Variants in CLCN2 observed in about 807,000 individuals in gnomAD.
CLCN2 encodes chloride voltage-gated channel 2.
A neutral mutation model predicts 108.3 loss-of-function variants in CLCN2; 72 were observed. That is an observed-to-expected ratio of 0.66 (90% CI 0.55 to 0.81). The LOEUF (loss-of-function observed/expected upper bound fraction) is 0.81. Among genes scored for constraint, CLCN2 ranks in the 30% least tolerant of loss-of-function variants. The pLI, the probability that CLCN2 is intolerant of heterozygous loss-of-function variation, is 0.00. For missense variants in CLCN2, 1,048 were observed against 1,205.2 expected (o/e 0.87, Z 1.93); for synonymous variants, 471 against 467.1 (o/e 1.01, Z -0.11).
rs754348632 is a variant in CLCN2 at position 184,357,272 on chromosome 3, G to A, written c.899-6C>T. Reference sequence around the variant, plus strand: ...GAAGAGGGCTGTAATAGTCTCTAAAGGGAAGAACAGCAGAGGGAGGCAGGC... The same window carrying A: ...GAAGAGGGCTGTAATAGTCTCTAAAAGGAAGAACAGCAGAGGGAGGCAGGC... On this transcript the variant is annotated splice_region_variant and splice_polypyrimidine_tract_variant and intron_variant, in intron 8 of 23. Transcript: ENST00000265593. 2.5e-5 allele frequency: 40 copies of A among 1,614,024 alleles called. No individual in the cohort carries two copies. The highest frequency in any genetic ancestry group is 3.3e-5 in the Non-Finnish European group (39 of 1,180,018).
chr3:184,353,287 T>A lies in CLCN2; in HGVS notation c.1991A>T (p.Glu664Val), dbSNP rs187000570. The A allele has an allele frequency of 3.5e-4, 565 of 1,613,788 alleles. 3 individuals carry two copies. The East Asian group carries it at 0.011, about 32-fold the overall frequency. ...ATQTSPLSDQ[E>V]GPPTPEASVC... ...AGAAGCCTCAGGGGTAGGGGGACCC[T>A]CCTGATCAGATAGTGGAGAGGTCTG... Residue 664 changes from glutamate (E) to valine (V), a missense_variant, in exon 17 of 24, where the codon GAG (glutamate) becomes GTG (valine). By Grantham distance (121) the Glu-to-Val change is moderately radical (BLOSUM62 -2). Transcript: ENST00000265593.
Position 184,354,947 on chromosome 3 carries a change from G to A in CLCN2, c.1353C>T (p.Thr451=). 1.2e-6 allele frequency: 2 copies of A among 1,614,048 alleles called. No individual in the cohort carries two copies. Among genetic ancestry groups the A allele is most frequent in the East Asian group, 2.2e-5 (1 of 44,882 alleles). The part of the protein sequence containing the change: ...MKFWMSALAT[T]IPVPCGAFMP... ...TGAAGGCCCCACAGGGAACTGGGAT[G>A]GTGGTGGCCAGTGCAGACATCCAGA... is the stretch of plus-strand genomic sequence containing the variant. Residue 451 remains threonine, a synonymous_variant, in exon 13 of 24, where the codon ACC becomes ACT. Transcript: ENST00000265593.
chr3:184,359,810 C>T (rs1364791992), intron 1 of CLCN2, among the ~76,000 whole-genome samples: 5 of 152,112 alleles, frequency 3.3e-5, no homozygotes, highest in South Asian at 4.1e-4. Context: ...TGGGGGACAG[C>T]GGAGGCTGAG....
intron 18 of CLCN2, 61 bp from the exon 19 acceptor site, chr3:184,352,871 A>G: frequency 2.5e-6 from 4 of 1,596,192 alleles, no homozygotes; most frequent in Non-Finnish European, 3.4e-6. Context: ...AGGACCAGGA[A>G]AGGTAAGGAA....
chr3:184,348,966 T>C (rs1043009005), intron 22 of CLCN2: 1 of 152,192 alleles, frequency 6.6e-6, no homozygotes, highest in African/African-American at 2.4e-5. Context: ...GCCCTGCTTA[T>C]CCTATGCCCT....
chr3:184,354,035 T>C, intron 15 of CLCN2, 66 bp downstream of exon 15: 1 of 1,525,120 alleles, frequency 6.6e-7, no homozygotes, highest in South Asian at 1.1e-5. Flanking sequence ...TAGAGGTGGC[T>C]GTAGGGGGAT....
At position 184,355,845 on chromosome 3, in the gene CLCN2, C is replaced by T; in HGVS notation, c.1086-67G>A. 1 of 1,283,640 alleles carries T rather than the reference C, an allele frequency of 7.8e-7. No individual in the cohort carries two copies. Among genetic ancestry groups the T allele is most frequent in the Non-Finnish European group, 1.1e-6 (1 of 887,976 alleles). 79.5% of individuals were successfully genotyped at this position (1,283,640 alleles called of 1,614,324 possible). A position where few individuals can be genotyped will look rare whatever the true frequency, so the allele number is the denominator to read the frequency against. On this transcript the variant is annotated intron_variant, in intron 10 of 23. Transcript: ENST00000265593. The surrounding 1 kb of genome is among the most constrained non-coding windows in gnomAD (Gnocchi z 6.3). ...CTGGGTGGCCTCGCATATCTCAGGG[C>T]TGAGGTCAGAGCAGAGCCTTGGCTC...
At position 184,355,813 on chromosome 3, in the gene CLCN2, C is replaced by A. The variant is rs1728508515; in HGVS notation, c.1086-35G>T. 7 of 1,592,680 alleles carry A rather than the reference C, an allele frequency of 4.4e-6. No individual in the cohort carries two copies. The highest frequency in any genetic ancestry group is 4.0e-5 in the African/African-American group (3 of 74,652). On this transcript the variant is annotated intron_variant, in intron 10 of 23. Transcript: ENST00000265593. The surrounding 1 kb of genome is among the most constrained non-coding windows in gnomAD (Gnocchi z 6.3). ...TAGGTTTCACATCAGTCGTGGGTGGCCAAGGGCTGGGTGGCCTCGCATATC... is the reference window on the plus strand; with the variant it reads ...TAGGTTTCACATCAGTCGTGGGTGGACAAGGGCTGGGTGGCCTCGCATATC...
rs1317486758 is a variant in CLCN2, at chr3:184,352,476, C to A, written c.2238G>T (p.Lys746Asn). ...AGATTCGGACACGCTTCAGCTTGCG[C>A]TTCTCACAGGATTCCAACTTCTTCA... ...AASEKLESCE[K>N]RKLKRVRISL... Residue 746 changes from lysine (K) to asparagine (N), a missense_variant, in exon 20 of 24, where the codon AAG becomes AAT. Physicochemically the swap from Lys to Asn is moderately conservative, Grantham distance 94 (BLOSUM62 0). Transcript: ENST00000265593. The A allele has an allele frequency of 6.2e-7, 1 of 1,613,234 alleles. No individual in the cohort carries two copies. Among genetic ancestry groups the A allele is most frequent in the Admixed American group, 1.7e-5 (1 of 59,956 alleles).
Position 184,356,990 on chromosome 3 carries a change from C to A in CLCN2, c.1085+3G>T. 6.2e-7 allele frequency: 1 copy of A among 1,609,676 alleles called. No individual in the cohort carries two copies. The highest frequency in any genetic ancestry group is 1.1e-5 in the South Asian group (1 of 90,866). On this transcript the variant is annotated splice_donor_region_variant and intron_variant, in intron 10 of 23. Coordinates refer to ENST00000265593, the MANE Select transcript of CLCN2 (RefSeq NM_004366.6). Reference sequence around the variant, plus strand: ...GCCTGGAGAGGAGCCGAGAGCCACTCACTTCCTCATGAGGAAGCGATTGAT... The same window carrying A: ...GCCTGGAGAGGAGCCGAGAGCCACTAACTTCCTCATGAGGAAGCGATTGAT...
At chr3:184,351,409 T>C (rs1728083216) in intron 22 of CLCN2, among the ~76,000 whole-genome samples, 1 of 152,156 alleles carries the variant, frequency 6.6e-6, no homozygotes. Context: ...GGCAGTCTGC[T>C]CAGTTCCTCG....
chr3:184,353,595 C>A, intron 16 of CLCN2, 67 bp downstream of exon 16: 3 of 1,601,574 alleles, frequency 1.9e-6, no homozygotes, highest in Non-Finnish European at 1.7e-6. Flanking sequence ...TCCTGAGCTC[C>A]CTGCCCCTTC....
At chr3:184,347,101 A>G (rs1727734518) in intron 22 of CLCN2, 80 bp from the exon 23 acceptor site, 4 of 1,255,746 alleles carry the variant, frequency 3.2e-6, no homozygotes, top group Non-Finnish European at 4.7e-6. Flanking sequence ...GCCCAGGACA[A>G]GGTTGGTGTG....
chr3:184,348,038 A>C (rs1383747112), intron 22 of CLCN2: 2 of 152,246 alleles, frequency 1.3e-5, no homozygotes, highest in African/African-American at 4.8e-5. Context: ...CAAGATGAGC[A>C]GTAATAACAG....
In CLCN2 at chr3:184,361,540, CG is replaced by C; in HGVS notation, c.-62del. The C allele has an allele frequency of 6.3e-7, 1 of 1,579,782 alleles. No homozygotes were observed. The highest frequency in any genetic ancestry group is 8.6e-7 in the Non-Finnish European group (1 of 1,162,094). On this transcript the variant is annotated 5_prime_UTR_variant, in exon 1 of 24. Transcript: ENST00000265593. The surrounding 1 kb of genome is among the most constrained non-coding windows in gnomAD (Gnocchi z 6.6). ...CCGGCTCTGTCCTGGACTCGGCTCC[CG>C]GCCCGCAAAGTCCGCGCCGGCAGCC...
At chr3:184,348,939 C>T (rs561409982) in intron 22 of CLCN2, 1 of 152,412 alleles carries the variant, frequency 6.6e-6, no homozygotes, top group South Asian at 2.1e-4. Flanking sequence ...CTTTCTGCCT[C>T]CCTTCCCTCC....
In CLCN2 at chr3:184,358,673, C is replaced by T; in HGVS notation, c.352+9G>A. The T allele has an allele frequency of 1.3e-6, 2 of 1,568,368 alleles. No individual in the cohort carries two copies. Among genetic ancestry groups the T allele is most frequent in the South Asian group, 2.3e-5 (2 of 85,892 alleles). On this transcript the variant is annotated intron_variant, in intron 3 of 23. Coordinates refer to ENST00000265593, the MANE Select transcript of CLCN2 (RefSeq NM_004366.6). ...TCCCAGTCCTCCCCCTGCCAGCTGTCACCCTCACCTTGCAGACAGGCAGCA... is the reference window on the plus strand; with the variant it reads ...TCCCAGTCCTCCCCCTGCCAGCTGTTACCCTCACCTTGCAGACAGGCAGCA...
intron 22 of CLCN2, among the ~76,000 whole-genome samples, chr3:184,351,239 G>A (rs147350942): frequency 6.8e-4 from 103 of 151,972 alleles, no homozygotes; most frequent in African/African-American, 2.3e-3. Context: ...ACCCCCCAAC[G>A]CTTCAAGGCT....
rs750785405 is a variant in CLCN2, at chr3:184,347,045, T to C, written c.2416-24A>G. 1.0e-5 allele frequency: 16 copies of C among 1,594,660 alleles called. No individual in the cohort carries two copies. The South Asian group carries it at 1.5e-4, about 15-fold the overall frequency. On this transcript the variant is annotated intron_variant, in intron 22 of 23. Transcript: ENST00000265593. ...GTCTGCAGTGTGGGGAGAAAAGCGA[T>C]TGGACTTGATGGACGAGGGGCAGCT...
Sources: gnomAD v4.1 joint callset for allele counts (sites outside exome capture counted in the v4.1 genomes callset) on GRCh38, gnomAD v4.1.1 for gene constraint, Gnocchi (gnomAD v3.1) non-coding constraint, MANE v1.5 for transcripts, NCBI Gene and HGNC (gene_info 2026-07-23, HGNC 2026-07-21) for gene names.